The following CACNA2D4 variants were observed in gnomAD, a reference collection of about 807,000 sequenced individuals.
The protein encoded by CACNA2D4 is calcium voltage-gated channel auxiliary subunit alpha2delta 4.
A neutral mutation model predicts 163.8 loss-of-function variants in CACNA2D4; 157 were observed. The observed-to-expected ratio is 0.96, with a 90% CI of 0.84 to 1.09. The LOEUF (loss-of-function observed/expected upper bound fraction) is 1.09. Among genes scored for constraint, CACNA2D4 ranks in the 50% least tolerant of loss-of-function variants. The pLI, the probability that CACNA2D4 is intolerant of heterozygous loss-of-function variation, is 0.00. For missense variants in CACNA2D4, 1,410 were observed against 1,479.9 expected (o/e 0.95, Z 0.78); for synonymous variants, 598 against 586.9 (o/e 1.02, Z -0.27).
intron 18 of CACNA2D4, among the ~76,000 whole-genome samples, chr12:1,870,490 C>T (rs144401514): frequency 1.1e-3 from 173 of 151,740 alleles, no homozygotes; most frequent in Admixed American, 2.2e-3. Context: ...CTAGCTGTTG[C>T]GCTCCAGACA....
At chr12:1,808,385 C>G (rs191006683) in intron 29 of CACNA2D4, among the ~76,000 whole-genome samples, 1 of 152,100 alleles carries the variant, frequency 6.6e-6, no homozygotes. Context: ...AGATTGATAA[C>G]ATCTCATGAC....
chr12:1,867,028 T>C (rs1247163369), intron 18 of CACNA2D4, among the ~76,000 whole-genome samples: 1 of 152,186 alleles, frequency 6.6e-6, no homozygotes, highest in Non-Finnish European at 1.5e-5. Context: ...CTCTTGGCAC[T>C]TTAACGATGT....
intron 18 of CACNA2D4, among the ~76,000 whole-genome samples, chr12:1,873,752 C>A (rs1459333238): frequency 6.6e-6 from 1 of 152,214 alleles, no homozygotes; most frequent in Non-Finnish European, 1.5e-5. Context: ...AGTGCCCAGT[C>A]TGCCTGCAGG....
At chr12:1,815,088 C>T (rs1387866439) in intron 26 of CACNA2D4, among the ~76,000 whole-genome samples, 7 of 152,164 alleles carry the variant, frequency 4.6e-5, no homozygotes, top group Non-Finnish European at 8.8e-5. Flanking sequence ...GATGGGGTTT[C>T]GCCATGCTGG....
rs1364138103 is a variant in CACNA2D4 at position 1,793,447 on chromosome 12, C to T, written c.*208G>A. On this transcript the variant is annotated 3_prime_UTR_variant, in exon 38 of 38. Transcript: ENST00000382722. ...ACCTAGGGCAGATGGTACCGGGCAC[C>T]ATGAAGCATCTTGAAAGTGGTGCCA... 8.0e-6 allele frequency: 5 copies of T among 622,622 alleles called. No homozygotes were observed. The highest frequency in any genetic ancestry group is 8.8e-6 in the Non-Finnish European group (3 of 342,796). 38.6% of individuals were successfully genotyped at this position (622,622 alleles called of 1,614,324 possible).
At position 1,799,540 on chromosome 12, in the gene CACNA2D4, TG is replaced by T; in HGVS notation, c.2995+134del. ...TCCCCAGTCCCCCAACCCCCAGGAA[TG>T]GTACTTTAAACCAGGAGAGCTCAGC... On this transcript the variant is annotated intron_variant, in intron 34 of 37. Coordinates refer to ENST00000382722, the MANE Select transcript of CACNA2D4 (RefSeq NM_172364.5). The surrounding 1 kb of genome is among the most constrained non-coding windows in gnomAD (Gnocchi z 4.7). 1 of 912,300 alleles carries T rather than the reference TG, an allele frequency of 1.1e-6. No individual in the cohort carries two copies. The allele number at this position is 912,300 out of a possible 1,614,324, so 56.5% of individuals were successfully genotyped here.
intron 26 of CACNA2D4, among the ~76,000 whole-genome samples, chr12:1,836,940 G>T (rs1864882474): frequency 6.6e-6 from 1 of 152,228 alleles, no homozygotes; most frequent in African/African-American, 2.4e-5. Flanking sequence ...CGGAGGCCGA[G>T]TCCTGGATCA....
At chr12:1,807,899 A>T (rs1322213270) in intron 29 of CACNA2D4, among the ~76,000 whole-genome samples, 1 of 152,162 alleles carries the variant, frequency 6.6e-6, no homozygotes, top group African/African-American at 2.4e-5. Flanking sequence ...GCTTCATTTC[A>T]TGGAGGGTTT....
At chr12:1,853,890 A>G in intron 23 of CACNA2D4, 61 bp downstream of exon 23, 1 of 1,381,478 alleles carries the variant, frequency 7.2e-7, no homozygotes, top group Non-Finnish European at 1.0e-6. Flanking sequence ...AGGGGTCCCA[A>G]CTTAGCCAAG....
At position 1,869,938 on chromosome 12, in the gene CACNA2D4, CT is replaced by C. The variant is rs1434220863; in HGVS notation, c.1878+4665del. ...ATTTGAGGGGTAGGCTGTAGATACT[CT>C]TGTCTTCCTTTGAAGGTGTTTTTGT... On this transcript the variant is annotated intron_variant, in intron 18 of 37. Coordinates refer to ENST00000382722, the MANE Select transcript of CACNA2D4 (RefSeq NM_172364.5). This position sits in a 1 kb window ranked among gnomAD's most constrained non-coding sequence, Gnocchi z 4.7. Among the ~76,000 whole-genome samples, 1 of 152,198 alleles carries C rather than the reference CT, an allele frequency of 6.6e-6. No individual in the cohort carries two copies. Among genetic ancestry groups the C allele is most frequent in the African/African-American group, 2.4e-5 (1 of 41,434 alleles).
Position 1,828,621 on chromosome 12 carries a change from G to A in CACNA2D4, c.2551+12118C>T, listed in dbSNP as rs118046953. On this transcript the variant is annotated intron_variant, in intron 26 of 37. Transcript: ENST00000382722. The surrounding 1 kb of genome is among the most constrained non-coding windows in gnomAD (Gnocchi z 4.2). Reference sequence around the variant, plus strand: ...TGCGGCGAGCCCTTTTGCTCCCGTGGGGAACTGCCCCCTTGGCTGGCCTCG... The same window carrying A: ...TGCGGCGAGCCCTTTTGCTCCCGTGAGGAACTGCCCCCTTGGCTGGCCTCG... Among the ~76,000 whole-genome samples the A allele has an allele frequency of 2.7e-3, 414 of 152,330 alleles. 4 individuals are homozygous for A. Among genetic ancestry groups the A allele is most frequent in the East Asian group, 7.0e-3 (36 of 5,176 alleles).
intron 20 of CACNA2D4, among the ~76,000 whole-genome samples, chr12:1,856,785 G>C (rs1865409157): frequency 6.6e-6 from 1 of 152,228 alleles, no homozygotes; most frequent in Non-Finnish European, 1.5e-5. Flanking sequence ...TTGACTGAAA[G>C]AACGATGAGC....
At chr12:1,825,509 T>C (rs1469703928) in intron 26 of CACNA2D4, among the ~76,000 whole-genome samples, 5 of 152,162 alleles carry the variant, frequency 3.3e-5, no homozygotes, top group Non-Finnish European at 1.5e-5. Flanking sequence ...ATCTGTCTGT[T>C]GGGGGCATTT....
intron 13 of CACNA2D4, among the ~76,000 whole-genome samples, chr12:1,882,381 GA>G (rs769357350): frequency 2.5e-4 from 38 of 152,338 alleles, no homozygotes; most frequent in Non-Finnish European, 4.9e-4. Flanking sequence ...CCCTTCCCCA[GA>G]AAGGTCCCAT....
intron 29 of CACNA2D4, among the ~76,000 whole-genome samples, chr12:1,808,132 T>C (rs1398613895): frequency 6.6e-6 from 1 of 152,062 alleles, no homozygotes; most frequent in Non-Finnish European, 1.5e-5. Context: ...CCCAGTGGGT[T>C]ATGAGAGGGT....
At chr12:1,892,632 C>G (rs1227940098) in intron 6 of CACNA2D4, among the ~76,000 whole-genome samples, 7 of 152,068 alleles carry the variant, frequency 4.6e-5, no homozygotes, top group African/African-American at 1.4e-4. Flanking sequence ...AGGAATAGCT[C>G]TCACATATTG....
chr12:1,858,922 C>T (rs937798305), intron 19 of CACNA2D4, among the ~76,000 whole-genome samples: 3 of 152,172 alleles, frequency 2.0e-5, no homozygotes, highest in African/African-American at 7.2e-5. Flanking sequence ...CATCAAGGGA[C>T]ACCCTGAAAC....
chr12:1,865,776 C>T (rs1865640327), intron 18 of CACNA2D4, among the ~76,000 whole-genome samples: 1 of 152,172 alleles, frequency 6.6e-6, no homozygotes, highest in Non-Finnish European at 1.5e-5. Context: ...GGGGCGCTGG[C>T]CTGAAGGACG....
At chr12:1,879,963 AACCC>A (rs1213975298) in intron 13 of CACNA2D4, 82 bp from the exon 14 acceptor site, 2 of 841,346 alleles carry the variant, frequency 2.4e-6, no homozygotes, top group Admixed American at 4.5e-5. Flanking sequence ...CAGTGCGGAG[AACCC>A]ACAGTCACCA....
Sources: gnomAD v4.1 joint callset for allele counts (sites outside exome capture counted in the v4.1 genomes callset) on GRCh38, gnomAD v4.1.1 for gene constraint, Gnocchi (gnomAD v3.1) non-coding constraint, MANE v1.5 for transcripts, NCBI Gene and HGNC (gene_info 2026-07-23, HGNC 2026-07-21) for gene names.